Variants in FAM13C observed in about 807,000 individuals in gnomAD.
The protein encoded by FAM13C is family with sequence similarity 13 member C.
Under a neutral mutation model 73.2 loss-of-function variants are expected in FAM13C, and 37 were observed. The observed-to-expected ratio is 0.51, with a 90% confidence interval of 0.39 to 0.67. The LOEUF (loss-of-function observed/expected upper bound fraction) is 0.67, where lower values mean the gene tolerates loss of function less well. Among genes scored for constraint, FAM13C ranks in the 30% least tolerant of loss-of-function variants. The pLI, the probability that FAM13C is intolerant of heterozygous loss-of-function variation, is 0.00. For missense variants in FAM13C, 589 were observed against 715.6 expected (o/e 0.82, Z 2.02); for synonymous variants, 246 against 260.9 (o/e 0.94, Z 0.55).
rs1188229707 is a variant in FAM13C, at chr10:59,343,390, T to C, written c.324+8880A>G. Reference sequence around the variant, plus strand: ...CACATTAATAACATTACTTCAGTAGTGTGAAGGGCTAGAAAAGAAAAAAGA... The same window carrying C: ...CACATTAATAACATTACTTCAGTAGCGTGAAGGGCTAGAAAAGAAAAAAGA... On this transcript the variant is annotated intron_variant, in intron 3 of 13. Coordinates refer to ENST00000618804, the MANE Select transcript of FAM13C (RefSeq NM_198215.4). Among the ~76,000 whole-genome samples, 7 of 146,506 alleles carry C rather than the reference T, an allele frequency of 4.8e-5. No homozygotes were observed. In the East Asian group the frequency reaches 1.0e-3, roughly 21 times the overall value.
chr10:59,334,104 G>C (rs927067830), intron 3 of FAM13C, among the ~76,000 whole-genome samples: 1 of 152,024 alleles, frequency 6.6e-6, no homozygotes, highest in African/African-American at 2.4e-5. Flanking sequence ...AGATGGCAGG[G>C]GAAATGAGAA....
At chr10:59,299,145 T>A (rs1360018876) in intron 5 of FAM13C, among the ~76,000 whole-genome samples, 1 of 152,156 alleles carries the variant, frequency 6.6e-6, no homozygotes, top group Non-Finnish European at 1.5e-5. Flanking sequence ...TGATACATAT[T>A]CAAAGTGTTG....
chr10:59,252,751 G>T, intron 12 of FAM13C, 48 bp downstream of exon 12: 3 of 1,578,978 alleles, frequency 1.9e-6, no homozygotes, highest in South Asian at 2.2e-5. Flanking sequence ...ACTGGTATCA[G>T]ACCAGAAGGA....
Position 59,246,640 on chromosome 10 carries a change from C to A in FAM13C, c.*974G>T, listed in dbSNP as rs1346177275. 2 of 397,544 alleles carry A rather than the reference C, an allele frequency of 5.0e-6. No individual in the cohort carries two copies. Among genetic ancestry groups the A allele is most frequent in the South Asian group, 1.3e-4 (1 of 7,854 alleles). 24.6% of individuals were successfully genotyped at this position (397,544 alleles called of 1,614,324 possible). On this transcript the variant is annotated 3_prime_UTR_variant, in exon 14 of 14. Coordinates refer to ENST00000618804, the MANE Select transcript of FAM13C (RefSeq NM_198215.4). ...ATGAAGCAAATAAATATTCTGGCTT[C>A]TTTTTCAAGGTATCAGGGCAAACAA... is the stretch of plus-strand genomic sequence containing the variant.
chr10:59,354,712 A>G (rs1164034466), intron 2 of FAM13C, among the ~76,000 whole-genome samples: 3 of 152,114 alleles, frequency 2.0e-5, no homozygotes, highest in Non-Finnish European at 4.4e-5. Flanking sequence ...AAAAAAGGAG[A>G]GAGAGAGAGT....
At chr10:59,248,406 T>C (rs1675935523) in intron 13 of FAM13C, among the ~76,000 whole-genome samples, 1 of 152,182 alleles carries the variant, frequency 6.6e-6, no homozygotes, top group African/African-American at 2.4e-5. Context: ...TTTATACATA[T>C]GCAGCATACT....
chr10:59,341,032 G>A (rs1021465992), intron 3 of FAM13C, among the ~76,000 whole-genome samples: 1 of 151,990 alleles, frequency 6.6e-6, no homozygotes, highest in Admixed American at 6.6e-5. Context: ...GGGAAGAGGT[G>A]GGAGGCGTAA....
At chr10:59,254,063 AATCT>A (rs1156887145) in intron 11 of FAM13C, 1 of 367,486 alleles carries the variant, frequency 2.7e-6, no homozygotes, top group Non-Finnish European at 4.8e-6. Context: ...GCCAAACTGA[AATCT>A]ATCATTTCTT....
At chr10:59,313,721 C>T (rs1182802581) in intron 4 of FAM13C, among the ~76,000 whole-genome samples, 1 of 152,070 alleles carries the variant, frequency 6.6e-6, no homozygotes, top group Non-Finnish European at 1.5e-5. Flanking sequence ...ATGAAGGTAA[C>T]CTGGGCTCTG....
chr10:59,359,748 A>G (rs1856168932), intron 1 of FAM13C, among the ~76,000 whole-genome samples: 1 of 152,210 alleles, frequency 6.6e-6, no homozygotes, highest in Non-Finnish European at 1.5e-5. Flanking sequence ...ACACCAATAC[A>G]ATCACCCATT....
At chr10:59,311,605 C>T (rs1293336747) in intron 4 of FAM13C, among the ~76,000 whole-genome samples, 6 of 152,246 alleles carry the variant, frequency 3.9e-5, no homozygotes, top group Non-Finnish European at 7.3e-5. Flanking sequence ...CTTCTGCCCA[C>T]CTCAAGCCTC....
chr10:59,348,503 G>A (rs1854604044), intron 3 of FAM13C, among the ~76,000 whole-genome samples: 2 of 152,204 alleles, frequency 1.3e-5, no homozygotes, highest in Admixed American at 1.3e-4. Flanking sequence ...GATAACTGTA[G>A]TTATTATTTA....
At chr10:59,284,323 T>A (rs1049103709) in intron 5 of FAM13C, among the ~76,000 whole-genome samples, 1 of 151,820 alleles carries the variant, frequency 6.6e-6, no homozygotes, top group Non-Finnish European at 1.5e-5. Context: ...TGAAAGTGAG[T>A]CAGCCTGAGT....
At chr10:59,286,439 C>T (rs890736720) in intron 5 of FAM13C, among the ~76,000 whole-genome samples, 3 of 150,100 alleles carry the variant, frequency 2.0e-5, no homozygotes, top group South Asian at 4.3e-4. Context: ...TGCTTGAACC[C>T]GGGAGTTTGG....
intron 6 of FAM13C, among the ~76,000 whole-genome samples, chr10:59,276,100 A>G (rs1440024904): frequency 6.6e-6 from 1 of 152,206 alleles, no homozygotes; most frequent in East Asian, 1.9e-4. Flanking sequence ...TACAGATTTT[A>G]TTGTTACAAA....
Position 59,355,894 on chromosome 10 carries a change from T to C in FAM13C, c.112A>G (p.Ser38Gly). Residue 38 changes from serine to glycine, a missense_variant, in exon 2 of 14, where the codon AGT (serine) becomes GGT (glycine). By Grantham distance (56) the Ser-to-Gly change is moderately conservative. Coordinates refer to ENST00000618804, the MANE Select transcript of FAM13C (RefSeq NM_198215.4). ...AGCAATGGTGGCTTTTACCTGAGAC[T>C]GGAGCAATCAGTCTGGTCTTCATGT... is the stretch of plus-strand genomic sequence containing the variant. ...SLHEDQTDCS[S>G]LRDENNKENY... 1.2e-6 allele frequency: 2 copies of C among 1,614,022 alleles called. No individual in the cohort carries two copies. Among genetic ancestry groups the C allele is most frequent in the Non-Finnish European group, 8.5e-7 (1 of 1,179,888 alleles).
intron 6 of FAM13C, among the ~76,000 whole-genome samples, chr10:59,274,259 G>C (rs284624): frequency 0.75 from 113,321 of 152,058 alleles, 44,433 homozygotes; most frequent in East Asian, 0.9. Context: ...TGTCACATTT[G>C]AGTTCCTGAG....
At chr10:59,325,793 A>G (rs1403337329) in intron 3 of FAM13C, among the ~76,000 whole-genome samples, 1 of 152,210 alleles carries the variant, frequency 6.6e-6, no homozygotes, top group Non-Finnish European at 1.5e-5. Flanking sequence ...AAAGCTCAAT[A>G]TTCTGAACCT....
At chr10:59,257,499 C>A (rs560852079) in intron 10 of FAM13C, among the ~76,000 whole-genome samples, 2 of 152,256 alleles carry the variant, frequency 1.3e-5, no homozygotes, top group East Asian at 3.9e-4. Context: ...TCCAATTATC[C>A]CCATAAATGA....
Sources: gnomAD v4.1 joint callset for allele counts (sites outside exome capture counted in the v4.1 genomes callset) on GRCh38, gnomAD v4.1.1 for gene constraint, MANE v1.5 for transcripts, NCBI Gene and HGNC (gene_info 2026-07-23, HGNC 2026-07-21) for gene names.